Variants in MED12L observed in about 807,000 individuals in gnomAD.
The protein encoded by MED12L is mediator complex subunit 12L.
Under a neutral mutation model 281.3 loss-of-function variants are expected in MED12L, and 60 were observed. That is an observed-to-expected ratio of 0.21 (90% confidence interval 0.17 to 0.26). The LOEUF (loss-of-function observed/expected upper bound fraction) is 0.26, where lower values mean the gene tolerates loss of function less well. Among genes scored for constraint, MED12L ranks in the 10% least tolerant of loss-of-function variants. The pLI is 1.00. For synonymous variants in MED12L, 974 were observed against 987.2 expected (o/e 0.99, Z 0.25); for missense variants, 2,146 against 2,680.9 (o/e 0.80, Z 4.41).
intron 13 of MED12L, 87 bp from the exon 14 acceptor site, chr3:151,190,630 A>C (rs920373856): frequency 6.7e-6 from 8 of 1,195,946 alleles, no homozygotes; most frequent in Non-Finnish European, 6.0e-6. Context: ...GTTGATTGTG[A>C]AAAGTAATGA....
chr3:151,274,643 G>A (rs1384139739), intron 16 of MED12L, among the ~76,000 whole-genome samples: 3 of 152,310 alleles, frequency 2.0e-5, no homozygotes, highest in African/African-American at 7.2e-5. Context: ...TTTGGATCTA[G>A]TCAGTAAATG....
chr3:151,139,373 GGGGTGTCA>G (rs1193720587), intron 5 of MED12L, among the ~76,000 whole-genome samples: 3 of 152,188 alleles, frequency 2.0e-5, no homozygotes, highest in Non-Finnish European at 4.4e-5. Context: ...ATTGCTACTT[GGGGTGTCA>G]CTGCTTCTAG....
intron 16 of MED12L, among the ~76,000 whole-genome samples, chr3:151,216,842 T>C (rs1382223457): frequency 2.0e-5 from 3 of 152,226 alleles, no homozygotes; most frequent in Middle Eastern, 3.2e-3. Context: ...AGTCTGTGGC[T>C]GGTAACTAAT....
intron 16 of MED12L, chr3:151,213,059 A>G (rs1727443168): frequency 3.7e-6 from 1 of 270,830 alleles, no homozygotes; most frequent in Non-Finnish European, 6.8e-6. Context: ...GAATAATTGT[A>G]TGTATTAATT....
At chr3:151,392,470 A>AAG (rs1714383085) in intron 38 of MED12L, among the ~76,000 whole-genome samples, 1 of 70,590 alleles carries the variant, frequency 1.4e-5, no homozygotes, top group Non-Finnish European at 3.9e-5. Flanking sequence ...ATCTCAAGAA[A>AAG]AAAAAAAAAA....
rs750257748 is a variant in MED12L, at chr3:151,159,941, A to G, written c.947A>G (p.His316Arg). The G allele has an allele frequency of 6.2e-7, 1 of 1,613,810 alleles. No individual in the cohort carries two copies. The highest frequency in any genetic ancestry group is 1.3e-5 in the African/African-American group (1 of 74,812). The stretch of plus-strand genomic sequence containing the variant: ...GATAGCCCCAACCTCCTTGCTGCCC[A>G]CTCACCCCACATGATGATAGGACCA... ...LSDSPNLLAA[H>R]SPHMMIGPNN... The change falls in exon 8 of 45, where the codon CAC (histidine) becomes CGC (arginine). Residue 316 changes from histidine (H) to arginine (R), a missense_variant. By Grantham distance (29) the His-to-Arg change is conservative. Coordinates refer to ENST00000687756, the MANE Select transcript of MED12L (RefSeq NM_001393769.1).
At chr3:151,420,564 A>G (rs1718130098) in intron 43 of MED12L, among the ~76,000 whole-genome samples, 2 of 152,130 alleles carry the variant, frequency 1.3e-5, no homozygotes, top group African/African-American at 4.8e-5. Context: ...AGTACTATAT[A>G]TTGGATACTG....
chr3:151,301,552 A>G (rs576207345), intron 16 of MED12L, among the ~76,000 whole-genome samples: 2 of 152,350 alleles, frequency 1.3e-5, no homozygotes, highest in African/African-American at 4.8e-5. Context: ...TAGACTATGC[A>G]AAGAACTTTT....
At chr3:151,247,509 A>G (rs1005241818) in intron 16 of MED12L, among the ~76,000 whole-genome samples, 8 of 151,064 alleles carry the variant, frequency 5.3e-5, no homozygotes, top group African/African-American at 1.9e-4. Flanking sequence ...AACTATCGCA[A>G]GAACAAAAAA....
intron 39 of MED12L, among the ~76,000 whole-genome samples, chr3:151,404,868 T>C (rs1716104752): frequency 6.6e-6 from 1 of 152,222 alleles, no homozygotes; most frequent in African/African-American, 2.4e-5. Flanking sequence ...ATTGGAGGTA[T>C]AACCAGTCCT....
intron 22 of MED12L, 40 bp from the exon 23 acceptor site, chr3:151,365,810 T>C (rs1327896204): frequency 1.3e-6 from 2 of 1,530,780 alleles, no homozygotes; most frequent in East Asian, 2.3e-5. Flanking sequence ...ATTTCTCTTT[T>C]GTACAAGGTT....
At chr3:151,340,222 G>A (rs538093854) in intron 16 of MED12L, among the ~76,000 whole-genome samples, 44 of 152,212 alleles carry the variant, frequency 2.9e-4, no homozygotes, top group Admixed American at 2.4e-3. Flanking sequence ...ATCCCTGACC[G>A]TTTTGGAAAT....
rs766567735 is a variant in MED12L, at chr3:151,369,436, G to A, written c.3551G>A (p.Gly1184Asp). 3 of 1,595,850 alleles carry A rather than the reference G, an allele frequency of 1.9e-6. No individual in the cohort carries two copies. The African/African-American group carries it at 4.0e-5, about 22-fold the overall frequency. Residue 1184 changes from glycine (G) to aspartate (D), a missense_variant and splice_region_variant, in exon 26 of 45, where the codon GGC (glycine) becomes GAC (aspartate). Physicochemically the swap from Gly to Asp is moderately conservative, Grantham distance 94 (BLOSUM62 -1). Around this residue, in one of 9 missense-constraint regions of MED12L, gnomAD observed 404 missense variants for 603.5 expected, o/e 0.67. Coordinates refer to ENST00000687756, the MANE Select transcript of MED12L (RefSeq NM_001393769.1). ...TATTAAAGATTTGTTGTTTTTGTAG[G>A]CAAACCTTTCCCTGGAATAAGATCA... Reference protein sequence around the residue: ...PQACFLPQATGKPFPGIRSSC... With the variant: ...PQACFLPQATDKPFPGIRSSC...
intron 11 of MED12L, among the ~76,000 whole-genome samples, chr3:151,173,464 C>G (rs183179055): frequency 3.9e-5 from 6 of 152,126 alleles, no homozygotes; most frequent in Admixed American, 3.9e-4. Flanking sequence ...GAGGAAGACA[C>G]CTTTGTAATT....
chr3:151,102,959 G>A (rs1250993748), intron 2 of MED12L, among the ~76,000 whole-genome samples: 1 of 152,158 alleles, frequency 6.6e-6, no homozygotes, highest in Admixed American at 6.5e-5. Context: ...TCAGAGGACA[G>A]AAACCAAGGC....
In MED12L at chr3:151,146,254, C is replaced by T. The variant is rs539680755; in HGVS notation, c.557-9907C>T. Among the ~76,000 whole-genome samples the T allele has an allele frequency of 2.3e-3, 346 of 152,262 alleles. 1 individual carries two copies. The highest frequency in any genetic ancestry group is 4.0e-3 in the Non-Finnish European group (270 of 68,006). ...ACTCTGGCCTCTGGGGACCTTCCTG[C>T]GCCTCACTGGTGACTCCCTCTGCCT... On this transcript the variant is annotated intron_variant, in intron 5 of 44. Transcript: ENST00000687756.
At chr3:151,134,853 A>G (rs1715907492) in intron 5 of MED12L, among the ~76,000 whole-genome samples, 1 of 152,134 alleles carries the variant, frequency 6.6e-6, no homozygotes, top group Non-Finnish European at 1.5e-5. Flanking sequence ...ATCAGTTACC[A>G]GTGGGGAGGT....
chr3:151,169,410 C>T (rs1056891784), intron 11 of MED12L, among the ~76,000 whole-genome samples: 2 of 152,110 alleles, frequency 1.3e-5, no homozygotes, highest in African/African-American at 4.8e-5. Context: ...CATGAGCCAC[C>T]GTGCCCAGCC....
intron 11 of MED12L, among the ~76,000 whole-genome samples, chr3:151,167,460 G>A (rs1720865462): frequency 6.6e-6 from 1 of 152,198 alleles, no homozygotes; most frequent in Non-Finnish European, 1.5e-5. Context: ...AAGAAAAGAT[G>A]AAACAGCAAC....
Sources: gnomAD v4.1 joint callset for allele counts (sites outside exome capture counted in the v4.1 genomes callset) on GRCh38, gnomAD v4.1.1 for gene constraint, gnomAD v4.1.1 regional missense constraint, MANE v1.5 for transcripts, NCBI Gene and HGNC (gene_info 2026-07-23, HGNC 2026-07-21) for gene names.